DLGAP1: variants seen among roughly 807,000 people sequenced by gnomAD.
DLGAP1 encodes the protein disks large-associated protein 1.
In DLGAP1, 11 loss-of-function variants were observed where a neutral mutation model predicts 90.8. That is an observed-to-expected ratio of 0.12 (90% confidence interval 0.08 to 0.20). The LOEUF (loss-of-function observed/expected upper bound fraction) is 0.20. Among genes scored for constraint, DLGAP1 ranks in the 10% least tolerant of loss-of-function variants. The probability of loss-of-function intolerance (pLI) is 1.00; values close to 1 mark genes in which losing one functional copy is unlikely to be tolerated. For synonymous variants in DLGAP1, 558 were observed against 540.7 expected (o/e 1.03, Z -0.44); for missense variants, 1,050 against 1,333.8 (o/e 0.79, Z 3.31).
At chr18:3,951,456 T>A (rs1211588816) in intron 3 of DLGAP1, among the ~76,000 whole-genome samples, 1 of 152,234 alleles carries the variant, frequency 6.6e-6, no homozygotes. Flanking sequence ...TGGTTCTTCA[T>A]TTTTCCTTTT....
chr18:3,518,539 A>G (rs1252536676), intron 10 of DLGAP1, among the ~76,000 whole-genome samples: 1 of 139,284 alleles, frequency 7.2e-6, no homozygotes, highest in Non-Finnish European at 1.6e-5. Context: ...AAAAAAAAAA[A>G]GCAGTGTCTT....
chr18:3,612,843 T>C (rs1249937108), intron 7 of DLGAP1, among the ~76,000 whole-genome samples: 2 of 152,144 alleles, frequency 1.3e-5, no homozygotes, highest in African/African-American at 2.4e-5. Flanking sequence ...TTTTAGTCCA[T>C]TTCCTTTTTT....
chr18:3,724,190 C>T lies in DLGAP1; in HGVS notation c.1591+4945G>A, dbSNP rs573706550. Among the ~76,000 whole-genome samples the T allele has an allele frequency of 3.9e-5, 6 of 151,970 alleles. No individual in the cohort carries two copies. The South Asian group carries it at 1.0e-3, about 26-fold the overall frequency. ...TACAAATTGTTTTTTAAAAATTAGC[C>T]GGGCACAGTGGCATGTGCCTGTGGT... On this transcript the variant is annotated intron_variant, in intron 7 of 12. Transcript: ENST00000315677.
chr18:4,198,079 C>T (rs954474595), intron 1 of DLGAP1, among the ~76,000 whole-genome samples: 3 of 151,820 alleles, frequency 2.0e-5, no homozygotes, highest in Admixed American at 1.3e-4. Flanking sequence ...AAAAATCAGC[C>T]GGGGCGTGGT....
At chr18:4,188,741 G>A (rs2077343898) in intron 1 of DLGAP1, among the ~76,000 whole-genome samples, 2 of 152,122 alleles carry the variant, frequency 1.3e-5, no homozygotes, top group Non-Finnish European at 2.9e-5. Flanking sequence ...TTGGTTCCAA[G>A]TCTTTGCCAT....
chr18:3,971,301 C>A (rs796759284), intron 3 of DLGAP1, among the ~76,000 whole-genome samples: 19 of 152,232 alleles, frequency 1.2e-4, no homozygotes, highest in African/African-American at 4.3e-4. Flanking sequence ...TAACTGCTTT[C>A]CATTAGTTTA....
intron 7 of DLGAP1, among the ~76,000 whole-genome samples, chr18:3,716,568 C>A (rs902541327): frequency 2.0e-5 from 3 of 152,000 alleles, no homozygotes; most frequent in Admixed American, 1.3e-4. Flanking sequence ...AAAAGCGAAA[C>A]ATGCACACCT....
At chr18:4,260,267 ACAC>A (rs745971553) in intron 1 of DLGAP1, among the ~76,000 whole-genome samples, 2 of 152,198 alleles carry the variant, frequency 1.3e-5, no homozygotes, top group Non-Finnish European at 2.9e-5. Flanking sequence ...TGCTGAGGGA[ACAC>A]AAAGGCAAAG....
At chr18:3,723,661 G>A (rs1226881238) in intron 7 of DLGAP1, among the ~76,000 whole-genome samples, 1 of 152,094 alleles carries the variant, frequency 6.6e-6, no homozygotes, top group Non-Finnish European at 1.5e-5. Context: ...GACTTGGAAT[G>A]AAGACCCAAA....
chr18:3,934,102 G>C (rs116222666), intron 3 of DLGAP1, among the ~76,000 whole-genome samples: 1,679 of 150,570 alleles, frequency 0.011, 35 homozygotes, highest in African/African-American at 0.041. Flanking sequence ...TAGTGAATTT[G>C]CCTAATCACT....
chr18:3,551,923 C>A lies in DLGAP1; in HGVS notation c.2057+15567G>T, dbSNP rs147917976. The stretch of plus-strand genomic sequence containing the variant: ...CCTCCCAAGTAGCTGGGACTACAGG[C>A]AGCCGCCATCACACTTGGCTAATTT... On this transcript the variant is annotated intron_variant, in intron 9 of 12. Transcript: ENST00000315677. Among the ~76,000 whole-genome samples, 69 of 151,072 alleles carry A rather than the reference C, an allele frequency of 4.6e-4. 1 individual carries two copies. In the East Asian group the frequency reaches 0.011, roughly 25 times the overall value.
intron 7 of DLGAP1, among the ~76,000 whole-genome samples, chr18:3,685,528 C>T (rs1271838653): frequency 7.1e-6 from 1 of 140,878 alleles, no homozygotes; most frequent in African/African-American, 2.7e-5. Flanking sequence ...TGCGCCACTG[C>T]ACTCCAGCCT....
intron 1 of DLGAP1, among the ~76,000 whole-genome samples, chr18:4,298,933 T>C (rs1243571018): frequency 6.6e-6 from 1 of 151,466 alleles, no homozygotes; most frequent in African/African-American, 2.4e-5. Flanking sequence ...TACAAAAAAT[T>C]AGCCAAGCGT....
rs1442276952 is a variant in DLGAP1 at position 4,219,196 on chromosome 18, T to C, written c.-266-67909A>G. On this transcript the variant is annotated intron_variant, in intron 1 of 12. Transcript: ENST00000315677. ...TTACAGGTATAAGATGATATCTCATTGGGGTTTTAATTTGCGTTTCTCTAA... is the reference window on the plus strand; with the variant it reads ...TTACAGGTATAAGATGATATCTCATCGGGGTTTTAATTTGCGTTTCTCTAA... Among the ~76,000 whole-genome samples, 7 of 151,936 alleles carry C rather than the reference T, an allele frequency of 4.6e-5. No individual in the cohort carries two copies. The South Asian group carries it at 1.5e-3, about 32-fold the overall frequency.
chr18:3,897,827 GC>G, intron 3 of DLGAP1, among the ~76,000 whole-genome samples: 1 of 119,314 alleles, frequency 8.4e-6, no homozygotes, highest in Non-Finnish European at 1.6e-5. Context: ...TCGCTCTGTC[GC>G]CCAGGCCGGA....
chr18:3,678,979 T>C (rs1019301368), intron 7 of DLGAP1, among the ~76,000 whole-genome samples: 2 of 152,194 alleles, frequency 1.3e-5, no homozygotes, highest in Non-Finnish European at 2.9e-5. Context: ...TTCTTCTTCT[T>C]CTTCTTTTTA....
chr18:4,012,833 G>C (rs1355777314), intron 2 of DLGAP1, among the ~76,000 whole-genome samples: 1 of 151,636 alleles, frequency 6.6e-6, no homozygotes, highest in African/African-American at 2.4e-5. Context: ...TGAGTAGCTG[G>C]GACCACAGGC....
At chr18:4,370,959 G>A (rs895079410) in intron 1 of DLGAP1, among the ~76,000 whole-genome samples, 1 of 119,814 alleles carries the variant, frequency 8.3e-6, no homozygotes, top group Non-Finnish European at 1.7e-5. Context: ...CTATCCTTTG[G>A]TCAAAATTAA....
chr18:4,081,696 A>G (rs182800681), intron 2 of DLGAP1, among the ~76,000 whole-genome samples: 6 of 152,304 alleles, frequency 3.9e-5, no homozygotes, highest in Non-Finnish European at 8.8e-5. Flanking sequence ...AAGTCTGTCA[A>G]TGCACCAGGA....
Sources: allele counts gnomAD v4.1 joint callset (sites outside exome capture counted in the v4.1 genomes callset), GRCh38; gene constraint gnomAD v4.1.1; transcripts MANE v1.5; gene names NCBI Gene and HGNC (gene_info 2026-07-23, HGNC 2026-07-21).